ASTN2: variants seen among roughly 807,000 people sequenced by gnomAD.
ASTN2 encodes astrotactin-2.
ASTN2 carries 54 observed loss-of-function variants against 139.8 expected under a neutral mutation model. The ratio of observed to expected loss-of-function variants is 0.39; its 90% CI spans 0.31 to 0.48. The LOEUF (loss-of-function observed/expected upper bound fraction) is 0.48, where lower values mean the gene tolerates loss of function less well. Among genes scored for constraint, ASTN2 ranks in the 20% least tolerant of loss-of-function variants. The probability of loss-of-function intolerance (pLI) is 0.95; values close to 1 mark genes in which losing one functional copy is unlikely to be tolerated. For missense variants in ASTN2, 1,565 were observed against 1,725.1 expected (o/e 0.91, Z 1.64); for synonymous variants, 756 against 719.5 (o/e 1.05, Z -0.81).
intron 3 of ASTN2, among the ~76,000 whole-genome samples, chr9:117,163,029 T>C (rs1830587790): frequency 6.6e-6 from 1 of 152,078 alleles, no homozygotes; most frequent in African/African-American, 2.4e-5. Flanking sequence ...GAAGTCAGGT[T>C]ATGAAAATGC....
chr9:117,261,030 T>G (rs1294117723), intron 2 of ASTN2, among the ~76,000 whole-genome samples: 1 of 152,212 alleles, frequency 6.6e-6, no homozygotes, highest in Non-Finnish European at 1.5e-5. Context: ...GAAGACATTA[T>G]GCTCAGTACA....
At chr9:117,182,963 A>T (rs1831111940) in intron 3 of ASTN2, among the ~76,000 whole-genome samples, 1 of 152,096 alleles carries the variant, frequency 6.6e-6, no homozygotes, top group Admixed American at 6.5e-5. Flanking sequence ...AATAAAACAG[A>T]ACTTTTAAAA....
At chr9:117,355,505 G>A (rs1209603892) in intron 1 of ASTN2, among the ~76,000 whole-genome samples, 2 of 152,180 alleles carry the variant, frequency 1.3e-5, no homozygotes, top group Non-Finnish European at 2.9e-5. Context: ...CTCGCCACAT[G>A]TAATGTACTG....
At chr9:116,993,857 T>TAC (rs1836932907) in intron 7 of ASTN2, among the ~76,000 whole-genome samples, 1 of 138,406 alleles carries the variant, frequency 7.2e-6, no homozygotes, top group East Asian at 2.0e-4. Flanking sequence ...GTACATGATA[T>TAC]ATATATATAT....
intron 3 of ASTN2, among the ~76,000 whole-genome samples, chr9:117,185,931 T>G (rs1257136878): frequency 6.6e-6 from 1 of 152,124 alleles, no homozygotes; most frequent in African/African-American, 2.4e-5. Context: ...AGCCTGAGAC[T>G]GTTTCTGATC....
chr9:116,925,867 C>CGA (rs1564343672), intron 10 of ASTN2, among the ~76,000 whole-genome samples: 1 of 149,638 alleles, frequency 6.7e-6, no homozygotes, highest in African/African-American at 2.4e-5. Context: ...ACACAACACA[C>CGA]ACACACACAC....
intron 13 of ASTN2, among the ~76,000 whole-genome samples, chr9:116,775,117 T>C (rs1830046574): frequency 6.6e-6 from 1 of 151,922 alleles, no homozygotes; most frequent in South Asian, 2.1e-4. Flanking sequence ...GGGATTCAGG[T>C]CGGAAAAGAC....
At chr9:116,442,995 T>C (rs1473883890) in intron 20 of ASTN2, among the ~76,000 whole-genome samples, 3 of 152,294 alleles carry the variant, frequency 2.0e-5, no homozygotes, top group East Asian at 1.9e-4. Context: ...AGTGCTAAGG[T>C]CATAAAGATG....
intron 19 of ASTN2, among the ~76,000 whole-genome samples, chr9:116,562,717 C>T (rs1031401760): frequency 9.4e-5 from 11 of 116,978 alleles, no homozygotes; most frequent in South Asian, 9.0e-4. Flanking sequence ...GGTGACAGTG[C>T]GAGTGACTGC....
chr9:117,058,919 T>C (rs1328532220), intron 5 of ASTN2, among the ~76,000 whole-genome samples: 1 of 152,046 alleles, frequency 6.6e-6, no homozygotes, highest in Non-Finnish European at 1.5e-5. Flanking sequence ...GTGAGTGACA[T>C]GAGATGGGGC....
chr9:116,725,802 G>T lies in ASTN2; in HGVS notation c.2775C>A (p.Val925=), dbSNP rs543247979. ...GATACTGGAGCCACAGCTGCTGCTGGACCTTCTTGCTGGGAAAGTGGATGA... is the reference window on the plus strand; with the variant it reads ...GATACTGGAGCCACAGCTGCTGCTGTACCTTCTTGCTGGGAAAGTGGATGA... ...TCIIHFPSKK[V]QQQLWLQYQK... The change falls in exon 16 of 23, where the codon GTC becomes GTA. Residue 925 remains valine (V), a synonymous_variant. Coordinates refer to ENST00000313400, the MANE Select transcript of ASTN2 (RefSeq NM_001365068.1). The T allele has an allele frequency of 1.1e-5, 17 of 1,613,806 alleles. No individual in the cohort carries two copies. Among genetic ancestry groups the T allele is most frequent in the South Asian group, 3.3e-5 (3 of 91,048 alleles).
intron 1 of ASTN2, among the ~76,000 whole-genome samples, chr9:117,296,279 A>C (rs1834732810): frequency 5.3e-4 from 2 of 3,788 alleles, no homozygotes; most frequent in South Asian, 0.031. Context: ...CTGCATCTCA[A>C]AAAAAAAAAA....
At chr9:116,770,070 T>C (rs1588278400) in intron 13 of ASTN2, among the ~76,000 whole-genome samples, 1 of 145,160 alleles carries the variant, frequency 6.9e-6, no homozygotes, top group Non-Finnish European at 1.5e-5. Context: ...ATACTGAGGT[T>C]AAATTGGGGG....
At chr9:116,891,904 G>T (rs1833771410) in intron 10 of ASTN2, among the ~76,000 whole-genome samples, 1 of 152,184 alleles carries the variant, frequency 6.6e-6, no homozygotes, top group Non-Finnish European at 1.5e-5. Flanking sequence ...AGAGCTGATT[G>T]CATTGGAAAT....
chr9:116,827,922 C>CACT (rs543685373), intron 11 of ASTN2, among the ~76,000 whole-genome samples: 7,820 of 77,882 alleles, frequency 0.1, 622 homozygotes, highest in Middle Eastern at 0.25. Flanking sequence ...CAAAACCATA[C>CACT]AAGGAAATAA....
chr9:117,181,582 A>C (rs1361121715), intron 3 of ASTN2, among the ~76,000 whole-genome samples: 1 of 152,156 alleles, frequency 6.6e-6, no homozygotes, highest in Non-Finnish European at 1.5e-5. Context: ...AGGATAGCAC[A>C]GTGGCAAAAA....
At chr9:117,281,925 C>G (rs1834335361) in intron 2 of ASTN2, among the ~76,000 whole-genome samples, 1 of 152,108 alleles carries the variant, frequency 6.6e-6, no homozygotes, top group Non-Finnish European at 1.5e-5. Flanking sequence ...GATTGCCCGC[C>G]CTTCACTCCA....
At chr9:117,328,123 G>T (rs926054030) in intron 1 of ASTN2, among the ~76,000 whole-genome samples, 1 of 152,136 alleles carries the variant, frequency 6.6e-6, no homozygotes, top group Non-Finnish European at 1.5e-5. Context: ...CCTTGCAATT[G>T]TTCTATAACC....
At chr9:117,137,436 A>C (rs2132850691) in intron 4 of ASTN2, among the ~76,000 whole-genome samples, 1 of 152,324 alleles carries the variant, frequency 6.6e-6, no homozygotes, top group African/African-American at 2.4e-5. Context: ...GGGCAGAAAC[A>C]GTGAAAGACA....
Sources: gnomAD v4.1 joint callset for allele counts (sites outside exome capture counted in the v4.1 genomes callset) on GRCh38, gnomAD v4.1.1 for gene constraint, MANE v1.5 for transcripts, NCBI Gene and HGNC (gene_info 2026-07-23, HGNC 2026-07-21) for gene names.